Variants in RIC1 observed in about 807,000 individuals in gnomAD.
RIC1 encodes RIC1 partner of RAB6A GEF complex.
RIC1 carries 88 observed loss-of-function variants against 169.0 expected under a neutral mutation model. The observed-to-expected ratio is 0.52, with a 90% CI of 0.44 to 0.62. The LOEUF (loss-of-function observed/expected upper bound fraction) is 0.62, where lower values mean the gene tolerates loss of function less well. Ranked by LOEUF, RIC1 falls within the 20% of genes least tolerant of loss-of-function variation. The pLI, the probability that RIC1 is intolerant of heterozygous loss-of-function variation, is 0.00. For missense variants in RIC1, 1,877 were observed against 1,725.5 expected (o/e 1.09, Z -1.56); for synonymous variants, 790 against 601.5 (o/e 1.31, Z -4.59).
At chr9:5,660,097 C>T (rs1348188308) in intron 2 of RIC1, among the ~76,000 whole-genome samples, 3 of 152,124 alleles carry the variant, frequency 2.0e-5, no homozygotes, top group Non-Finnish European at 4.4e-5. Context: ...TAAGTGAAAA[C>T]ATGTGGTATT....
chr9:5,774,144 A>G lies in RIC1; in HGVS notation c.4170A>G (p.Glu1390=), dbSNP rs756961310. ...GCCATGGAAGCATCCCCCAGGGTGA[A>G]GTTGGAAGCAGCAATATGGTCAGCC... The part of the protein sequence containing the change: ...SSSHGSIPQG[E]VGSSNMVSRK... Residue 1390 remains glutamate (E), a synonymous_variant, in exon 26 of 26, where the codon GAA becomes GAG. Coordinates refer to ENST00000414202, the MANE Select transcript of RIC1 (RefSeq NM_020829.4). 2 of 1,613,920 alleles carry G rather than the reference A, an allele frequency of 1.2e-6. No homozygotes were observed. The highest frequency in any genetic ancestry group is 1.1e-5 in the South Asian group (1 of 91,068).
chr9:5,753,745 T>C (rs1825849852), intron 14 of RIC1, 99 bp downstream of exon 14: 3 of 499,272 alleles, frequency 6.0e-6, no homozygotes, highest in Admixed American at 7.4e-5. Flanking sequence ...TTTGGTTACT[T>C]ATTAAAAATA....
chr9:5,715,225 A>G (rs761974266), intron 4 of RIC1, among the ~76,000 whole-genome samples: 33 of 152,232 alleles, frequency 2.2e-4, no homozygotes, highest in Non-Finnish European at 3.5e-4. Flanking sequence ...AACTTGATAC[A>G]TAAGGAATTC....
chr9:5,644,736 TA>T (rs1366477872), intron 1 of RIC1, among the ~76,000 whole-genome samples: 1 of 152,256 alleles, frequency 6.6e-6, no homozygotes, highest in Non-Finnish European at 1.5e-5. Context: ...AACATTTGTA[TA>T]CATGTCTGTG....
intron 6 of RIC1, 124 bp from the exon 7 acceptor site, chr9:5,732,264 T>G (rs977870615): frequency 1.4e-6 from 1 of 722,418 alleles, no homozygotes; most frequent in African/African-American, 1.8e-5. Flanking sequence ...GTGGGATATT[T>G]TCCTCTGCAG....
intron 3 of RIC1, among the ~76,000 whole-genome samples, chr9:5,693,450 GT>G (rs1821703218): frequency 6.6e-6 from 1 of 152,126 alleles, no homozygotes; most frequent in South Asian, 2.1e-4. Context: ...AATGGTGGCA[GT>G]CTTATTAAGT....
At chr9:5,663,542 G>A (rs555276860) in intron 2 of RIC1, among the ~76,000 whole-genome samples, 13 of 151,972 alleles carry the variant, frequency 8.6e-5, no homozygotes, top group South Asian at 2.1e-4. Flanking sequence ...GATATTTGGC[G>A]CTTATTAAAT....
intron 2 of RIC1, among the ~76,000 whole-genome samples, chr9:5,682,836 T>C (rs113122891): frequency 2.0e-5 from 3 of 152,234 alleles, no homozygotes; most frequent in African/African-American, 7.2e-5. Flanking sequence ...CACATAGTCC[T>C]ATATTTCTTG....
Position 5,772,973 on chromosome 9 carries a change from A to T in RIC1, c.3876A>T (p.Ile1292=). 6.2e-7 allele frequency: 1 copy of T among 1,613,748 alleles called. No individual in the cohort carries two copies. ...VIGLILRESS[I]INQILVITQS... ...GCCTGATTCTTAGAGAATCCTCAATAATCAATCAGATTTTGGTTATTACAC... is the reference window on the plus strand; with the variant it reads ...GCCTGATTCTTAGAGAATCCTCAATTATCAATCAGATTTTGGTTATTACAC... Residue 1292 remains isoleucine, a synonymous_variant, in exon 25 of 26, where the codon ATA becomes ATT. Coordinates refer to ENST00000414202, the MANE Select transcript of RIC1 (RefSeq NM_020829.4).
intron 6 of RIC1, among the ~76,000 whole-genome samples, chr9:5,730,921 C>T (rs1437269398): frequency 2.6e-5 from 4 of 152,112 alleles, no homozygotes; most frequent in Admixed American, 1.3e-4. Context: ...CCACTTCACT[C>T]TATCCACACA....
chr9:5,758,722 C>CTT (rs754931692), intron 17 of RIC1, among the ~76,000 whole-genome samples: 85 of 98,430 alleles, frequency 8.6e-4, no homozygotes, highest in South Asian at 1.4e-3. Context: ...GGTCTCCCTT[C>CTT]TTTTTTTTTT....
intron 17 of RIC1, among the ~76,000 whole-genome samples, chr9:5,759,605 G>A (rs530188204): frequency 2.0e-5 from 3 of 152,170 alleles, no homozygotes; most frequent in Non-Finnish European, 4.4e-5. Context: ...AACAATTAGG[G>A]ATATTTAAAT....
Position 5,769,019 on chromosome 9 carries a change from C to T in RIC1, c.3187C>T (p.Leu1063Phe), listed in dbSNP as rs1182771224. The stretch of plus-strand genomic sequence containing the variant: ...TGAGAACATGTATATTGACATGATG[C>T]TCTGGAGACATGCTCGGCGCCTCTT... ...CAENMYIDMM[L>F]WRHARRLLED... The change falls in exon 22 of 26, where the codon CTC becomes TTC. Residue 1063 changes from leucine (L) to phenylalanine (F), a missense_variant. Leu to Phe is a conservative substitution (Grantham distance 22). Transcript: ENST00000414202. 1.9e-6 allele frequency: 3 copies of T among 1,613,976 alleles called. No individual in the cohort carries two copies. Among genetic ancestry groups the T allele is most frequent in the Non-Finnish European group, 2.5e-6 (3 of 1,179,900 alleles).
chr9:5,738,134 A>T (rs116157143), intron 7 of RIC1, among the ~76,000 whole-genome samples: 295 of 152,316 alleles, frequency 1.9e-3, no homozygotes, highest in African/African-American at 6.5e-3. Flanking sequence ...TATGTACTAT[A>T]GCCAAATAAA....
intron 7 of RIC1, among the ~76,000 whole-genome samples, chr9:5,732,797 GA>G (rs1824449677): frequency 6.6e-6 from 1 of 152,106 alleles, no homozygotes; most frequent in Non-Finnish European, 1.5e-5. Flanking sequence ...GGATTTGGAA[GA>G]TTTTTTTAAA....
At chr9:5,700,466 C>T (rs1056632749) in intron 3 of RIC1, among the ~76,000 whole-genome samples, 30 of 152,188 alleles carry the variant, frequency 2.0e-4, no homozygotes, top group Admixed American at 1.5e-3. Flanking sequence ...GTAGCTCAAA[C>T]TTTTAAGTTC....
At chr9:5,694,000 A>C (rs1458460753) in intron 3 of RIC1, among the ~76,000 whole-genome samples, 2 of 151,918 alleles carry the variant, frequency 1.3e-5, no homozygotes, top group Non-Finnish European at 2.9e-5. Context: ...AAAAAAAGTC[A>C]CTCCAAAATA....
Position 5,763,010 on chromosome 9 carries a change from T to G in RIC1, c.2113-130T>G. On this transcript the variant is annotated intron_variant, in intron 18 of 25. Coordinates refer to ENST00000414202, the MANE Select transcript of RIC1 (RefSeq NM_020829.4). This position sits in a 1 kb window ranked among gnomAD's most constrained non-coding sequence, Gnocchi z 5.2. Reference sequence around the variant, plus strand: ...TACTTTTATTAACTCTAATTCTAATTAGATCCCTTTGCTTTTCCCAAAAAA... The same window carrying G: ...TACTTTTATTAACTCTAATTCTAATGAGATCCCTTTGCTTTTCCCAAAAAA... The G allele has an allele frequency of 9.3e-7, 1 of 1,080,464 alleles. No individual in the cohort carries two copies. Among genetic ancestry groups the G allele is most frequent in the South Asian group, 1.7e-5 (1 of 58,750 alleles). 66.9% of individuals were successfully genotyped at this position (1,080,464 alleles called of 1,614,324 possible).
At chr9:5,689,292 C>A (rs566273798) in intron 2 of RIC1, among the ~76,000 whole-genome samples, 1 of 152,122 alleles carries the variant, frequency 6.6e-6, no homozygotes, top group East Asian at 1.9e-4. Flanking sequence ...ACCTCGTGAT[C>A]TGCCCGCCTT....
Sources: gnomAD v4.1 joint callset for allele counts (sites outside exome capture counted in the v4.1 genomes callset) on GRCh38, gnomAD v4.1.1 for gene constraint, Gnocchi (gnomAD v3.1) non-coding constraint, MANE v1.5 for transcripts, NCBI Gene and HGNC (gene_info 2026-07-23, HGNC 2026-07-21) for gene names.